The following RAB40B variants were observed in gnomAD, a reference collection of about 807,000 sequenced individuals.
RAB40B encodes the protein ras-related protein Rab-40B.
In RAB40B, 21 loss-of-function variants were observed where a neutral mutation model predicts 24.0. That is an observed-to-expected ratio of 0.88 (90% confidence interval 0.62 to 1.26). RAB40B has a LOEUF of 1.26. Among genes scored for constraint, RAB40B ranks in the 50% most tolerant of loss-of-function variants. The probability of loss-of-function intolerance (pLI) is 0.00; values close to 1 mark genes in which losing one functional copy is unlikely to be tolerated. For missense variants in RAB40B, 348 were observed against 390.5 expected (o/e 0.89, Z 0.92); for synonymous variants, 167 against 169.8 (o/e 0.98, Z 0.13).
At chr17:82,680,216 G>A (rs2046435978) in intron 1 of RAB40B, among the ~76,000 whole-genome samples, 1 of 152,180 alleles carries the variant, frequency 6.6e-6, no homozygotes, top group South Asian at 2.1e-4. Context: ...TGCAGCCTTG[G>A]ACCCCACACT....
At chr17:82,665,790 C>T (rs891798069) in intron 1 of RAB40B, among the ~76,000 whole-genome samples, 1 of 151,818 alleles carries the variant, frequency 6.6e-6, no homozygotes, top group Non-Finnish European at 1.5e-5. Flanking sequence ...TTGCTTGAAC[C>T]CGGGAGGCGG....
intron 2 of RAB40B, among the ~76,000 whole-genome samples, chr17:82,664,232 G>A (rs1223383043): frequency 4.9e-5 from 7 of 143,792 alleles, no homozygotes. Flanking sequence ...ATGGTGGTGG[G>A]GGGAGCTTGC....
In RAB40B at chr17:82,692,513, A is replaced by G. The variant is rs151125166; in HGVS notation, c.142+5942T>C. On this transcript the variant is annotated intron_variant, in intron 1 of 5. Transcript: ENST00000571995. The surrounding 1 kb of genome is among the most constrained non-coding windows in gnomAD (Gnocchi z 4.0). ...GTCTGACCCGGGGCACACACACAAG[A>G]GACAGGCGGGCCAACGGTGCAGACC... 5.6e-3 allele frequency among the ~76,000 whole-genome samples: 843 copies of G among 151,756 alleles called. 7 individuals are homozygous for G. The highest frequency in any genetic ancestry group is 6.3e-3 in the Non-Finnish European group (426 of 67,918).
At chr17:82,693,914 C>T (rs2046583419) in intron 1 of RAB40B, among the ~76,000 whole-genome samples, 2 of 151,424 alleles carry the variant, frequency 1.3e-5, no homozygotes, top group African/African-American at 4.9e-5. Flanking sequence ...GAAACCCCGT[C>T]TCTACTAAAA....
chr17:82,666,761 C>G (rs1440176676), intron 1 of RAB40B, among the ~76,000 whole-genome samples: 3 of 152,124 alleles, frequency 2.0e-5, no homozygotes, highest in Non-Finnish European at 4.4e-5. Flanking sequence ...GGTACAATGA[C>G]ACGTACAATC....
intron 1 of RAB40B, among the ~76,000 whole-genome samples, chr17:82,679,304 T>TG (rs2046426176): frequency 1.3e-5 from 2 of 148,558 alleles, no homozygotes; most frequent in Non-Finnish European, 3.0e-5. Context: ...TTTTTTGAGA[T>TG]GGAGTCTTGC....
rs1180078532 is a variant in RAB40B at position 82,657,108 on chromosome 17, A to G, written c.*755T>C. The stretch of plus-strand genomic sequence containing the variant: ...ACTATACATTTTATTGTTGAGAAAC[A>G]TTTTCCTAAATAAGTGTTTTCACTT... On this transcript the variant is annotated 3_prime_UTR_variant, in exon 6 of 6. Coordinates refer to ENST00000571995, the MANE Select transcript of RAB40B (RefSeq NM_006822.3). 6.5e-6 allele frequency: 1 copy of G among 152,862 alleles called. No homozygotes were observed. Among genetic ancestry groups the G allele is most frequent in the Admixed American group, 6.5e-5 (1 of 15,296 alleles). 9.5% of individuals were successfully genotyped at this position (152,862 alleles called of 1,614,324 possible).
At chr17:82,659,934 G>A (rs865979345) in intron 3 of RAB40B, among the ~76,000 whole-genome samples, 2 of 152,188 alleles carry the variant, frequency 1.3e-5, no homozygotes. Flanking sequence ...CGCAGTAATC[G>A]CCACCTCTCG....
At chr17:82,659,760 AAC>A in intron 3 of RAB40B, 103 bp from the exon 4 acceptor site, 1 of 855,942 alleles carries the variant, frequency 1.2e-6, no homozygotes, top group Non-Finnish European at 1.9e-6. Flanking sequence ...TCCTTATTTT[AAC>A]ACAAAGTACA....
chr17:82,672,542 T>A (rs889965431), intron 1 of RAB40B, among the ~76,000 whole-genome samples: 1 of 152,244 alleles, frequency 6.6e-6, no homozygotes, highest in African/African-American at 2.4e-5. Context: ...TGTATGTTGA[T>A]TGGAGGTGGG....
chr17:82,658,693 C>T lies in RAB40B; in HGVS notation c.363G>A (p.Lys121=). ...GGTGCAGGCGGTTCCCCACCAGGAT[C>T]TTGGGGACTCCGGGGGCATGCTAGC... The part of the protein sequence containing the change: ...EIDEHAPGVP[K]ILVGNRLHLA... The change falls in exon 5 of 6, where the codon AAG becomes AAA. Residue 121 remains lysine (K), a synonymous_variant. Transcript: ENST00000571995. The T allele has an allele frequency of 1.2e-6, 2 of 1,612,156 alleles. No individual in the cohort carries two copies. Among genetic ancestry groups the T allele is most frequent in the Non-Finnish European group, 1.7e-6 (2 of 1,179,248 alleles).
chr17:82,675,963 C>CT lies in RAB40B; in HGVS notation c.143-11408dup, dbSNP rs2046389819. On this transcript the variant is annotated intron_variant, in intron 1 of 5. Coordinates refer to ENST00000571995, the MANE Select transcript of RAB40B (RefSeq NM_006822.3). The surrounding 1 kb of genome is among the most constrained non-coding windows in gnomAD (Gnocchi z 4.5). ...GTGACGACCTGAAGCCCCTGGTACT[C>CT]TGAGTCTCCTGGTACGGGACGGTGA... Among the ~76,000 whole-genome samples, 2 of 152,110 alleles carry CT rather than the reference C, an allele frequency of 1.3e-5. No homozygotes were observed.
chr17:82,663,201 G>A lies in RAB40B; in HGVS notation c.203+1295C>T, dbSNP rs1032369784. On this transcript the variant is annotated intron_variant, in intron 2 of 5. Coordinates refer to ENST00000571995, the MANE Select transcript of RAB40B (RefSeq NM_006822.3). This position sits in a 1 kb window ranked among gnomAD's most constrained non-coding sequence, Gnocchi z 6.2. ...AAGGGTCGGGGCGCTTGGGGACACTGTGGAGACAGGCTCCCCAGGACTGGC... is the reference window on the plus strand; with the variant it reads ...AAGGGTCGGGGCGCTTGGGGACACTATGGAGACAGGCTCCCCAGGACTGGC... Among the ~76,000 whole-genome samples, 1 of 152,044 alleles carries A rather than the reference G, an allele frequency of 6.6e-6. No homozygotes were observed. Among genetic ancestry groups the A allele is most frequent in the African/African-American group, 2.4e-5 (1 of 41,388 alleles).
Position 82,663,513 on chromosome 17 carries a change from G to A in RAB40B, c.203+983C>T, listed in dbSNP as rs1384966426. Among the ~76,000 whole-genome samples, 1 of 152,142 alleles carries A rather than the reference G, an allele frequency of 6.6e-6. No homozygotes were observed. The highest frequency in any genetic ancestry group is 6.5e-5 in the Admixed American group (1 of 15,286). ...GTGGAGGGAGAGGTGTTCCAAGCTG[G>A]CCCCAAGGTGGGGGTGCTGGGGGAG... On this transcript the variant is annotated intron_variant, in intron 2 of 5. Coordinates refer to ENST00000571995, the MANE Select transcript of RAB40B (RefSeq NM_006822.3). The surrounding 1 kb of genome is among the most constrained non-coding windows in gnomAD (Gnocchi z 6.2).
At chr17:82,658,963 C>T in intron 4 of RAB40B, 1 of 489,860 alleles carries the variant, frequency 2.0e-6, no homozygotes. Context: ...TCGGAGGAGG[C>T]CATGTTACGC....
At chr17:82,693,391 A>G (rs1484705846) in intron 1 of RAB40B, among the ~76,000 whole-genome samples, 1 of 152,192 alleles carries the variant, frequency 6.6e-6, no homozygotes. Flanking sequence ...GGCAAACTAC[A>G]CACCACAGAA....
At chr17:82,661,164 G>A (rs539261078) in intron 2 of RAB40B, 117 bp from the exon 3 acceptor site, 59 of 1,497,194 alleles carry the variant, frequency 3.9e-5, no homozygotes, top group Middle Eastern at 3.7e-4. Context: ...CAGCCACCAC[G>A]CCGCCAGCGT....
rs939117549 is a variant in RAB40B at position 82,697,727 on chromosome 17, C to T, written c.142+728G>A. On this transcript the variant is annotated intron_variant, in intron 1 of 5. Coordinates refer to ENST00000571995, the MANE Select transcript of RAB40B (RefSeq NM_006822.3). This position sits in a 1 kb window ranked among gnomAD's most constrained non-coding sequence, Gnocchi z 4.9. ...TTCCCCGGAGCCGTCCACCCCCTCGCCGGGCGCCGGCTTTCAAGCCTCAAA... is the reference window on the plus strand; with the variant it reads ...TTCCCCGGAGCCGTCCACCCCCTCGTCGGGCGCCGGCTTTCAAGCCTCAAA... 1.1e-4 allele frequency among the ~76,000 whole-genome samples: 16 copies of T among 152,322 alleles called. No homozygotes were observed. Among genetic ancestry groups the T allele is most frequent in the African/African-American group, 3.6e-4 (15 of 41,582 alleles).
At chr17:82,694,910 G>A (rs911708570) in intron 1 of RAB40B, among the ~76,000 whole-genome samples, 2 of 151,782 alleles carry the variant, frequency 1.3e-5, no homozygotes, top group Non-Finnish European at 2.9e-5. Context: ...GGAAATACTC[G>A]AGTCCTTCTG....
Sources: gnomAD v4.1 joint callset for allele counts (sites outside exome capture counted in the v4.1 genomes callset) on GRCh38, gnomAD v4.1.1 for gene constraint, Gnocchi (gnomAD v3.1) non-coding constraint, MANE v1.5 for transcripts, NCBI Gene and HGNC (gene_info 2026-07-23, HGNC 2026-07-21) for gene names.